MGAT4C: variants seen among roughly 807,000 people sequenced by gnomAD.
MGAT4C encodes the protein alpha-1,3-mannosyl-glycoprotein 4-beta-N-acetylglucosaminyltransferase C.
Under a neutral mutation model 40.1 loss-of-function variants are expected in MGAT4C, and 19 were observed. The observed-to-expected ratio is 0.47, with a 90% confidence interval of 0.33 to 0.70. MGAT4C has a LOEUF of 0.70. Among genes scored for constraint, MGAT4C ranks in the 30% least tolerant of loss-of-function variants. MGAT4C has a pLI of 0.02. For synonymous variants in MGAT4C, 181 were observed against 187.1 expected, an observed-to-expected ratio of 0.97 and a Z score of 0.27; for missense variants, 491 against 563.2, an observed-to-expected ratio of 0.87 and a Z score of 1.30.
Position 85,973,786 on chromosome 12 carries a change from AAAC to A in MGAT4C, c.*5500_*5502del, listed in dbSNP as rs1883756909. ...TCTAGACAGAGTGAAATGAAAGCTG[AAAC>A]AACAGTCAAATCAAAAACTGCTTTG... On this transcript the variant is annotated 3_prime_UTR_variant, in exon 5 of 5. Transcript: ENST00000611864. 1 of 150,964 alleles carries A rather than the reference AAAC, an allele frequency of 6.6e-6. No individual in the cohort carries two copies. Among genetic ancestry groups the A allele is most frequent in the Admixed American group, 6.6e-5 (1 of 15,106 alleles). The allele number at this position is 150,964 out of a possible 1,614,324, so 9.4% of individuals were successfully genotyped here. A position where few individuals can be genotyped will look rare whatever the true frequency, so the allele number is the denominator to read the frequency against.
intron 2 of MGAT4C, among the ~76,000 whole-genome samples, chr12:86,595,172 C>T (rs1961483626): frequency 6.6e-6 from 1 of 152,116 alleles, no homozygotes; most frequent in Non-Finnish European, 1.5e-5. Context: ...GACACTGATG[C>T]TGCTGGTCTG....
chr12:86,816,907 C>T (rs975352068), intron 1 of MGAT4C, among the ~76,000 whole-genome samples: 10 of 151,188 alleles, frequency 6.6e-5, no homozygotes, highest in East Asian at 5.8e-4. Context: ...TCCTATATCA[C>T]TAATAATTTG....
At chr12:86,493,156 G>A (rs1252489965) in intron 2 of MGAT4C, among the ~76,000 whole-genome samples, 2 of 150,766 alleles carry the variant, frequency 1.3e-5, no homozygotes, top group African/African-American at 2.5e-5. Context: ...AACAGGTGCT[G>A]TAGAGGATGT....
intron 1 of MGAT4C, among the ~76,000 whole-genome samples, chr12:86,076,919 T>C (rs1379739873): frequency 6.6e-6 from 1 of 152,138 alleles, no homozygotes; most frequent in Non-Finnish European, 1.5e-5. Flanking sequence ...CTGAAGAACA[T>C]GGAGTCCAAT....
intron 2 of MGAT4C, among the ~76,000 whole-genome samples, chr12:86,014,479 G>C (rs191375442): frequency 1.4e-4 from 22 of 152,238 alleles, no homozygotes; most frequent in Admixed American, 5.2e-4. Flanking sequence ...AATCAAGAAG[G>C]CTGCCTGCAA....
intron 2 of MGAT4C, among the ~76,000 whole-genome samples, chr12:86,683,296 C>T (rs947289952): frequency 3.9e-5 from 6 of 152,140 alleles, no homozygotes; most frequent in African/African-American, 1.2e-4. Flanking sequence ...ACCTACCTAT[C>T]TATAATCTAT....
chr12:85,990,817 T>C (rs1885824682), intron 2 of MGAT4C, among the ~76,000 whole-genome samples: 1 of 152,236 alleles, frequency 6.6e-6, no homozygotes, highest in Non-Finnish European at 1.5e-5. Flanking sequence ...ATTGTAAATA[T>C]GTGTATAAAT....
At chr12:86,619,288 C>CA (rs1474264256) in intron 2 of MGAT4C, among the ~76,000 whole-genome samples, 1 of 152,010 alleles carries the variant, frequency 6.6e-6, no homozygotes, top group Non-Finnish European at 1.5e-5. Flanking sequence ...AAACTTTCTT[C>CA]AACTCCTTAA....
chr12:86,626,930 G>A (rs946350651), intron 2 of MGAT4C, among the ~76,000 whole-genome samples: 2 of 152,336 alleles, frequency 1.3e-5, no homozygotes, highest in Admixed American at 6.5e-5. Context: ...CCTCACCTGG[G>A]AAGTGCAAGG....
chr12:86,635,488 G>A (rs1393072642), intron 2 of MGAT4C, among the ~76,000 whole-genome samples: 3 of 151,952 alleles, frequency 2.0e-5, no homozygotes, highest in Non-Finnish European at 4.4e-5. Context: ...GTGAGTGCCC[G>A]AATGCTTCTC....
intron 2 of MGAT4C, among the ~76,000 whole-genome samples, chr12:86,446,651 T>G (rs964589295): frequency 9.2e-6 from 1 of 108,390 alleles, no homozygotes; most frequent in Non-Finnish European, 2.0e-5. Flanking sequence ...AATTACATCA[T>G]GTAACTCATA....
At position 85,966,173 on chromosome 12, in the gene MGAT4C, C is replaced by A. The variant is rs1883353817; in HGVS notation, c.*13116G>T. 6.6e-6 allele frequency: 1 copy of A among 152,058 alleles called. No individual in the cohort carries two copies. The allele number at this position is 152,058 out of a possible 1,614,324, so 9.4% of individuals were successfully genotyped here. ...ACCAGATGGAGGAAAATGATACCAT[C>A]TGATTTAATTATTAACTTGAAGGTC... On this transcript the variant is annotated 3_prime_UTR_variant, in exon 5 of 5. Coordinates refer to ENST00000611864, the MANE Select transcript of MGAT4C (RefSeq NM_001351288.2).
At position 86,802,883 on chromosome 12, in the gene MGAT4C, A is replaced by G. The variant is rs1476291546; in HGVS notation, c.-262+35783T>C. Among the ~76,000 whole-genome samples, 16 of 141,088 alleles carry G rather than the reference A, an allele frequency of 1.1e-4. 1 individual carries two copies. The highest frequency in any genetic ancestry group is 1.5e-5 in the Non-Finnish European group (1 of 64,888). 92.6% of individuals were successfully genotyped at this position (141,088 alleles called of 152,430 possible). ...CAATGCCATCCCCATCAAGCTACCA[A>G]TGCCTTTCTTCACAGAATTGGAAAA... On this transcript the variant is annotated intron_variant, in intron 1 of 7. Coordinates refer to the MGAT4C transcript ENST00000548651.
Position 85,974,282 on chromosome 12 carries a change from CA to C in MGAT4C, c.*5006del. On this transcript the variant is annotated 3_prime_UTR_variant, in exon 5 of 5. Transcript: ENST00000611864. ...AAAGATTTGAGTGAGAACATGAAAG[CA>C]AAAGCAAGTTCAGAAGAGGAACACA... 1 of 150,636 alleles carries C rather than the reference CA, an allele frequency of 6.6e-6. No homozygotes were observed. Among genetic ancestry groups the C allele is most frequent in the East Asian group, 1.9e-4 (1 of 5,178 alleles). 9.3% of individuals were successfully genotyped at this position (150,636 alleles called of 1,614,324 possible). A position where few individuals can be genotyped will look rare whatever the true frequency, so the allele number is the denominator to read the frequency against.
chr12:86,814,037 A>G (rs1365687651), intron 1 of MGAT4C, among the ~76,000 whole-genome samples: 2 of 151,770 alleles, frequency 1.3e-5, no homozygotes, highest in Non-Finnish European at 2.9e-5. Flanking sequence ...CAGCCTTCCA[A>G]TTAGCTGGGA....
intron 4 of MGAT4C, among the ~76,000 whole-genome samples, chr12:86,317,901 G>A (rs1954284811): frequency 6.6e-6 from 1 of 150,964 alleles, no homozygotes; most frequent in African/African-American, 2.4e-5. Context: ...TTTTAAATAT[G>A]ATATTTTAAC....
At position 86,762,590 on chromosome 12, in the gene MGAT4C, C is replaced by T. The variant is rs535995171; in HGVS notation, c.-261-35349G>A. The stretch of plus-strand genomic sequence containing the variant: ...ATCATTATGCTGGTATCTTAAATAA[C>T]CTTAATTCTGTGTCCCTCAGCATTT... On this transcript the variant is annotated intron_variant, in intron 1 of 7. Coordinates refer to the MGAT4C transcript ENST00000548651. Among the ~76,000 whole-genome samples, 9 of 152,272 alleles carry T rather than the reference C, an allele frequency of 5.9e-5. No homozygotes were observed. In the South Asian group the frequency reaches 1.9e-3, roughly 32 times the overall value.
intron 1 of MGAT4C, among the ~76,000 whole-genome samples, chr12:86,209,567 A>G (rs1162426299): frequency 6.6e-6 from 1 of 152,188 alleles, no homozygotes; most frequent in African/African-American, 2.4e-5. Flanking sequence ...CTTTTGGGAC[A>G]CATGAAATTC....
chr12:86,721,529 C>T (rs999221590), intron 2 of MGAT4C, among the ~76,000 whole-genome samples: 1 of 152,002 alleles, frequency 6.6e-6, no homozygotes, highest in African/African-American at 2.4e-5. Flanking sequence ...CTACCTTGAC[C>T]GTAGATTCAG....
Sources: gnomAD v4.1 joint callset for allele counts (sites outside exome capture counted in the v4.1 genomes callset) on GRCh38, gnomAD v4.1.1 for gene constraint, MANE v1.5 for transcripts, NCBI Gene and HGNC (gene_info 2026-07-23, HGNC 2026-07-21) for gene names.